The following DNAH8 variants were observed in gnomAD, a reference collection of about 807,000 sequenced individuals.
The protein encoded by DNAH8 is dynein axonemal heavy chain 8.
Under a neutral mutation model 562.1 loss-of-function variants are expected in DNAH8, and 382 were observed. That is an observed-to-expected ratio of 0.68 (90% confidence interval 0.63 to 0.74). The LOEUF is 0.74. Among genes scored for constraint, DNAH8 ranks in the 30% least tolerant of loss-of-function variants. DNAH8 has a pLI of 0.00. For missense variants in DNAH8, 5,203 were observed against 5,620.4 expected (o/e 0.93, Z 2.37); for synonymous variants, 1,881 against 1,919.4 (o/e 0.98, Z 0.52).
At chr6:38,813,943 T>C in intron 24 of DNAH8, 111 bp from the exon 25 acceptor site, 3 of 778,550 alleles carry the variant, frequency 3.9e-6, no homozygotes, top group Non-Finnish European at 4.5e-6. Context: ...CTTTGTGTAA[T>C]TTGGCCTTTT....
intron 88 of DNAH8, among the ~76,000 whole-genome samples, chr6:39,002,520 C>T (rs1156875235): frequency 1.3e-5 from 2 of 152,024 alleles, no homozygotes; most frequent in Non-Finnish European, 1.5e-5. Context: ...TTCAAAATGT[C>T]GGAATGGGTC....
intron 81 of DNAH8, among the ~76,000 whole-genome samples, chr6:38,950,616 T>C (rs1448041947): frequency 6.6e-6 from 1 of 151,960 alleles, no homozygotes; most frequent in African/African-American, 2.4e-5. Flanking sequence ...ATTTTTTGTA[T>C]TTTTAGTAGA....
At chr6:38,790,261 G>A (rs1457880484) in intron 19 of DNAH8, 28 bp from the exon 20 acceptor site, 1 of 1,197,010 alleles carries the variant, frequency 8.4e-7, no homozygotes, top group Non-Finnish European at 1.2e-6. Context: ...GTTGATAATA[G>A]AAGCAGTTGT....
intron 33 of DNAH8, among the ~76,000 whole-genome samples, chr6:38,839,847 A>C (rs546346539): frequency 1.6e-4 from 24 of 152,248 alleles, no homozygotes; most frequent in Non-Finnish European, 2.5e-4. Context: ...TTTTTAGTAG[A>C]GACGGGGTTT....
chr6:38,831,007 A>G (rs1259703908), intron 30 of DNAH8, among the ~76,000 whole-genome samples: 1 of 152,238 alleles, frequency 6.6e-6, no homozygotes, highest in African/African-American at 2.4e-5. Context: ...ATTTAAATTC[A>G]TATTCAATAT....
At position 38,935,680 on chromosome 6, in the gene DNAH8, A is replaced by C. The variant is rs1782895799; in HGVS notation, c.11546A>C (p.Lys3849Thr). Residue 3849 changes from lysine to threonine, a missense_variant, in exon 77 of 93, where the codon AAA (lysine) becomes ACA (threonine). Physicochemically the swap from Lys to Thr is moderately conservative, Grantham distance 78. Coordinates refer to ENST00000327475, the MANE Select transcript of DNAH8 (RefSeq NM_001206927.2). Reference protein sequence around the residue: ...MKELEDNLLYKLSATKGSLVD... With the variant: ...MKELEDNLLYTLSATKGSLVD... Reference sequence around the variant, plus strand: ...GAACTTGAAGATAACCTCCTCTATAAATTAAGTGCTACAAAAGGTATTGTG... The same window carrying C: ...GAACTTGAAGATAACCTCCTCTATACATTAAGTGCTACAAAAGGTATTGTG... 1 of 1,608,284 alleles carries C rather than the reference A, an allele frequency of 6.2e-7. No individual in the cohort carries two copies. The highest frequency in any genetic ancestry group is 1.7e-5 in the Admixed American group (1 of 59,572).
intron 69 of DNAH8, 60 bp downstream of exon 69, chr6:38,917,466 C>T: frequency 7.1e-7 from 1 of 1,400,394 alleles, no homozygotes; most frequent in Non-Finnish European, 9.9e-7. Flanking sequence ...CAGCCCAGGA[C>T]ACTCAATATA....
chr6:38,993,788 A>G (rs1269594053), intron 88 of DNAH8, among the ~76,000 whole-genome samples: 1 of 151,916 alleles, frequency 6.6e-6, no homozygotes, highest in Non-Finnish European at 1.5e-5. Context: ...ATGCTGCTCC[A>G]TTGTTTATAT....
At position 38,775,890 on chromosome 6, in the gene DNAH8, CAAG is replaced by C. The variant is rs758494861; in HGVS notation, c.1905_1907del (p.Arg636del). 4 of 1,612,892 alleles carry C rather than the reference CAAG, an allele frequency of 2.5e-6. No homozygotes were observed. The highest frequency in any genetic ancestry group is 3.4e-6 in the Non-Finnish European group (4 of 1,179,208). On this transcript the variant is annotated inframe_deletion, in exon 13 of 93. Coordinates refer to ENST00000327475, the MANE Select transcript of DNAH8 (RefSeq NM_001206927.2). Reference sequence around the variant, plus strand: ...AAAAAGCAATATGACATTCTGGATCCAAGAAGGACAGAATTTGACACAGATTTC... The same window carrying C: ...AAAAAGCAATATGACATTCTGGATCCAAGGACAGAATTTGACACAGATTTC...
intron 70 of DNAH8, among the ~76,000 whole-genome samples, chr6:38,921,005 T>C (rs1583355853): frequency 1.3e-5 from 2 of 152,088 alleles, no homozygotes; most frequent in Admixed American, 1.3e-4. Context: ...ATCCTCCTGC[T>C]TCAGCCTCCA....
At position 38,734,326 on chromosome 6, in the gene DNAH8, A is replaced by ACC. The variant is rs35685371; in HGVS notation, c.611-140_611-139dup. 0.061 allele frequency: 27,366 copies of ACC among 447,416 alleles called. 2,453 individuals are homozygous for ACC. The highest frequency in any genetic ancestry group is 0.27 in the East Asian group (2,120 of 7,966). 27.7% of individuals were successfully genotyped at this position (447,416 alleles called of 1,614,324 possible). ...TGTAATTATTGGCATCTTCTAGTAG[A>ACC]CCCCCCCCCAAAAAAATTATTCTAT... On this transcript the variant is annotated intron_variant, in intron 4 of 92. Transcript: ENST00000327475.
intron 4 of DNAH8, 118 bp from the exon 5 acceptor site, chr6:38,734,356 G>C: frequency 1.9e-6 from 2 of 1,037,486 alleles, no homozygotes; most frequent in Non-Finnish European, 2.5e-6. Context: ...TTCTATGACC[G>C]TATTGAAAAC....
intron 25 of DNAH8, among the ~76,000 whole-genome samples, chr6:38,814,384 C>T (rs1231386371): frequency 2.0e-5 from 3 of 152,196 alleles, no homozygotes; most frequent in African/African-American, 7.2e-5. Context: ...AGTTTGAGAC[C>T]ATCCTGGCCA....
At chr6:38,994,190 T>TTA (rs1764981533) in intron 88 of DNAH8, among the ~76,000 whole-genome samples, 1 of 152,212 alleles carries the variant, frequency 6.6e-6, no homozygotes, top group African/African-American at 2.4e-5. Flanking sequence ...TAAGGGCTAT[T>TTA]TATATATAGT....
intron 92 of DNAH8, among the ~76,000 whole-genome samples, chr6:39,028,861 C>T (rs1419260883): frequency 3.3e-5 from 5 of 152,220 alleles, no homozygotes; most frequent in Non-Finnish European, 5.9e-5. Flanking sequence ...CATGTGCCTC[C>T]GTTTTTGGTT....
intron 24 of DNAH8, among the ~76,000 whole-genome samples, chr6:38,813,404 ACCC>A (rs1344761966): frequency 6.6e-6 from 1 of 150,972 alleles, no homozygotes; most frequent in East Asian, 2.0e-4. Context: ...ATCCCCTCCC[ACCC>A]CCCATCTGCT....
rs551294825 is a variant in DNAH8 at position 38,845,376 on chromosome 6, C to T, written c.4846-198C>T. On this transcript the variant is annotated intron_variant, in intron 35 of 92. Coordinates refer to ENST00000327475, the MANE Select transcript of DNAH8 (RefSeq NM_001206927.2). ...GTACAGAAAAATAATTAGTAGTCGGCGATTAGTAAATAATTAGTAAGGCTC... is the reference window on the plus strand; with the variant it reads ...GTACAGAAAAATAATTAGTAGTCGGTGATTAGTAAATAATTAGTAAGGCTC... Among the ~76,000 whole-genome samples, 117 of 152,102 alleles carry T rather than the reference C, an allele frequency of 7.7e-4. 1 individual carries two copies. The highest frequency in any genetic ancestry group is 2.6e-3 in the African/African-American group (107 of 41,500).
chr6:39,000,418 C>T (rs1765411934), intron 88 of DNAH8, among the ~76,000 whole-genome samples: 1 of 152,168 alleles, frequency 6.6e-6, no homozygotes, highest in Non-Finnish European at 1.5e-5. Context: ...AGTCCGTGGC[C>T]TGTTAAAACT....
intron 52 of DNAH8, among the ~76,000 whole-genome samples, chr6:38,874,089 TTTC>T (rs1777744275): frequency 1.6e-5 from 2 of 127,654 alleles, no homozygotes; most frequent in Non-Finnish European, 3.3e-5. Flanking sequence ...TCTTTCTTTC[TTTC>T]TTTCTCTTTC....
Sources: allele counts gnomAD v4.1 joint callset (sites outside exome capture counted in the v4.1 genomes callset), GRCh38; gene constraint gnomAD v4.1.1; transcripts MANE v1.5; gene names NCBI Gene and HGNC (gene_info 2026-07-23, HGNC 2026-07-21).